The following TMEM132C variants were observed in gnomAD, a reference collection of about 807,000 sequenced individuals.
TMEM132C encodes the protein transmembrane protein 132C.
In TMEM132C, 29 loss-of-function variants were observed where a neutral mutation model predicts 61.4. That is an observed-to-expected ratio of 0.47 (90% confidence interval 0.35 to 0.64). The LOEUF is 0.64. Among genes scored for constraint, TMEM132C ranks in the 30% least tolerant of loss-of-function variants. TMEM132C has a pLI of 0.00. For synonymous variants in TMEM132C, 656 were observed against 633.1 expected, an observed-to-expected ratio of 1.04 and a Z score of -0.54; for missense variants, 1,408 against 1,476.9, an observed-to-expected ratio of 0.95 and a Z score of 0.76.
chr12:128,270,027 G>T (rs1308376031), intron 1 of TMEM132C, among the ~76,000 whole-genome samples: 1 of 152,200 alleles, frequency 6.6e-6, no homozygotes, highest in Non-Finnish European at 1.5e-5. Context: ...TTGAAAGAAA[G>T]AAATCTTTTC....
rs1402302552 is a variant in TMEM132C at position 128,326,725 on chromosome 12, A to G, written c.85+59238A>G. Among the ~76,000 whole-genome samples, 1 of 152,194 alleles carries G rather than the reference A, an allele frequency of 6.6e-6. No homozygotes were observed. The highest frequency in any genetic ancestry group is 2.4e-5 in the African/African-American group (1 of 41,454). ...CCTAAGACGGAGCAGGCTGGAAGGT[A>G]AGAGGCAGAGAAGTTTCGAGATTCA... is the stretch of plus-strand genomic sequence containing the variant. On this transcript the variant is annotated intron_variant, in intron 1 of 8. Coordinates refer to ENST00000435159, the MANE Select transcript of TMEM132C (RefSeq NM_001136103.3). The surrounding 1 kb of genome is among the most constrained non-coding windows in gnomAD (Gnocchi z 5.6).
At position 128,548,364 on chromosome 12, in the gene TMEM132C, A is replaced by T. The variant is rs77413577; in HGVS notation, c.1121+4261A>T. On this transcript the variant is annotated intron_variant, in intron 3 of 8. Transcript: ENST00000435159. ...TTCATGCAAAAATAAAATTTCAGTG[A>T]TATTTGTTGGGACACACAAAATCTC... 4.9e-3 allele frequency among the ~76,000 whole-genome samples: 740 copies of T among 152,286 alleles called. 3 individuals carry two copies. The highest frequency in any genetic ancestry group is 0.017 in the African/African-American group (705 of 41,554).
intron 1 of TMEM132C, among the ~76,000 whole-genome samples, chr12:128,367,981 T>C (rs1052825682): frequency 6.6e-6 from 1 of 152,182 alleles, no homozygotes; most frequent in Non-Finnish European, 1.5e-5. Flanking sequence ...TCAGCCGGAC[T>C]TTGGAGATGA....
At chr12:128,274,215 AAG>A (rs1311976887) in intron 1 of TMEM132C, among the ~76,000 whole-genome samples, 2 of 152,200 alleles carry the variant, frequency 1.3e-5, no homozygotes, top group African/African-American at 4.8e-5. Flanking sequence ...CTTCCTGATT[AAG>A]GATGTTCTTA....
At chr12:128,644,763 G>A (rs2135601748) in intron 4 of TMEM132C, among the ~76,000 whole-genome samples, 1 of 152,302 alleles carries the variant, frequency 6.6e-6, no homozygotes, top group African/African-American at 2.4e-5. Flanking sequence ...CCTCAGTAGG[G>A]CTCTGGAGGT....
At chr12:128,480,638 G>C (rs535533426) in intron 2 of TMEM132C, among the ~76,000 whole-genome samples, 2 of 152,164 alleles carry the variant, frequency 1.3e-5, no homozygotes, top group South Asian at 2.1e-4. Flanking sequence ...TGAGGACCGC[G>C]TCAGAGCTGA....
At chr12:128,584,592 T>TCCCCCC (rs1267873748) in intron 3 of TMEM132C, among the ~76,000 whole-genome samples, 3 of 152,174 alleles carry the variant, frequency 2.0e-5, no homozygotes, top group Non-Finnish European at 4.4e-5. Flanking sequence ...GTAACAGGCA[T>TCCCCCC]CCCCAACGTG....
rs78201475 is a variant in TMEM132C, at chr12:128,398,387, C to T, written c.86-16345C>T. ...GGAAAAATGGAGCTGGAGTGAGTTA[C>T]GGATTTGAAATAAAGCCTGGGTCCT... On this transcript the variant is annotated intron_variant, in intron 1 of 8. Transcript: ENST00000435159. 7.6e-3 allele frequency among the ~76,000 whole-genome samples: 1,164 copies of T among 152,298 alleles called. 7 individuals carry two copies. The highest frequency in any genetic ancestry group is 0.013 in the Non-Finnish European group (887 of 68,026).
chr12:128,357,332 AC>A (rs987708554), intron 1 of TMEM132C, among the ~76,000 whole-genome samples: 4 of 150,472 alleles, frequency 2.7e-5, no homozygotes, highest in African/African-American at 9.8e-5. Context: ...GCCCCAGGAG[AC>A]CCCCCCGGCT....
At chr12:128,460,514 G>A (rs1331020462) in intron 2 of TMEM132C, among the ~76,000 whole-genome samples, 1 of 152,138 alleles carries the variant, frequency 6.6e-6, no homozygotes, top group Non-Finnish European at 1.5e-5. Context: ...CCTGGCTTTA[G>A]TATCGTTCTC....
At chr12:128,584,758 G>A (rs1010987804) in intron 3 of TMEM132C, among the ~76,000 whole-genome samples, 1 of 152,196 alleles carries the variant, frequency 6.6e-6, no homozygotes, top group South Asian at 2.1e-4. Context: ...TGGCGAATGG[G>A]TGTCAGCTAT....
intron 2 of TMEM132C, among the ~76,000 whole-genome samples, chr12:128,477,555 C>A (rs1871190244): frequency 6.6e-6 from 1 of 151,262 alleles, no homozygotes; most frequent in Admixed American, 6.6e-5. Flanking sequence ...TAGGCAGGCA[C>A]CATTTTGTTT....
At chr12:128,454,176 A>C (rs534950502) in intron 2 of TMEM132C, among the ~76,000 whole-genome samples, 3 of 152,356 alleles carry the variant, frequency 2.0e-5, no homozygotes, top group Admixed American at 2.0e-4. Context: ...ACATTCACAC[A>C]TCGAATAATA....
chr12:128,436,711 G>T (rs1464819211), intron 2 of TMEM132C, among the ~76,000 whole-genome samples: 2 of 152,208 alleles, frequency 1.3e-5, no homozygotes, highest in Non-Finnish European at 2.9e-5. Flanking sequence ...GTGTAAACTA[G>T]TTCAATCATT....
chr12:128,418,366 A>C (rs1296763716), intron 2 of TMEM132C, among the ~76,000 whole-genome samples: 2 of 152,164 alleles, frequency 1.3e-5, no homozygotes, highest in Non-Finnish European at 2.9e-5. Flanking sequence ...CACATTTCAG[A>C]GTCTCGGCTT....
chr12:128,649,123 C>G (rs527378824), intron 4 of TMEM132C, among the ~76,000 whole-genome samples: 1 of 152,342 alleles, frequency 6.6e-6, no homozygotes, highest in South Asian at 2.1e-4. Flanking sequence ...GCCTGGCTCT[C>G]GTGGTGATTT....
chr12:128,520,357 C>G (rs7307952), intron 2 of TMEM132C, among the ~76,000 whole-genome samples: 1 of 152,166 alleles, frequency 6.6e-6, no homozygotes, highest in Non-Finnish European at 1.5e-5. Flanking sequence ...CTACCCAGGA[C>G]AAAGATTGTG....
chr12:128,402,065 A>G (rs1409492232), intron 1 of TMEM132C, among the ~76,000 whole-genome samples: 2 of 152,104 alleles, frequency 1.3e-5, no homozygotes, highest in Non-Finnish European at 2.9e-5. Context: ...GTAGAGGGAG[A>G]CAGGAAGTCA....
At chr12:128,547,205 G>A (rs1027196078) in intron 3 of TMEM132C, among the ~76,000 whole-genome samples, 23 of 152,196 alleles carry the variant, frequency 1.5e-4, no homozygotes, top group East Asian at 3.9e-4. Context: ...TGAGGGTTGC[G>A]CAGTCAAGTA....
Sources: allele counts gnomAD v4.1 joint callset (sites outside exome capture counted in the v4.1 genomes callset), GRCh38; gene constraint gnomAD v4.1.1; non-coding constraint Gnocchi (gnomAD v3.1); transcripts MANE v1.5; gene names NCBI Gene and HGNC (gene_info 2026-07-23, HGNC 2026-07-21).